Variants in GALNT14 observed in about 807,000 individuals in gnomAD.
GALNT14 encodes polypeptide N-acetylgalactosaminyltransferase 14, also known as UDP-GalNAc:polypeptide N-acetylgalactosaminyltransferase 14.
A neutral mutation model predicts 77.5 loss-of-function variants in GALNT14; 60 were observed. That is an observed-to-expected ratio of 0.77 (90% CI 0.63 to 0.96). The LOEUF (loss-of-function observed/expected upper bound fraction) is 0.96. GALNT14 is among the 40% of genes least tolerant of loss of function. The probability of loss-of-function intolerance (pLI) is 0.00; values close to 1 mark genes in which losing one functional copy is unlikely to be tolerated. For synonymous variants in GALNT14, 280 were observed against 281.7 expected, an observed-to-expected ratio of 0.99 and a Z score of 0.06; for missense variants, 710 against 731.0, an observed-to-expected ratio of 0.97 and a Z score of 0.33.
intron 3 of GALNT14, among the ~76,000 whole-genome samples, chr2:30,961,965 T>C (rs1250448188): frequency 1.3e-5 from 2 of 152,126 alleles, no homozygotes; most frequent in Non-Finnish European, 2.9e-5. Flanking sequence ...AATGTTGGGA[T>C]TACAGACATG....
At chr2:31,124,827 A>C (rs572056055) in intron 1 of GALNT14, among the ~76,000 whole-genome samples, 102 of 152,360 alleles carry the variant, frequency 6.7e-4, no homozygotes, top group South Asian at 1.9e-3. Flanking sequence ...AATAACTGAT[A>C]CAGATAAAGC....
chr2:30,970,182 T>C lies in GALNT14; in HGVS notation c.300-3880A>G, dbSNP rs573757703. 2.6e-5 allele frequency among the ~76,000 whole-genome samples: 4 copies of C among 152,214 alleles called. No individual in the cohort carries two copies. In the South Asian group the frequency reaches 8.3e-4, roughly 32 times the overall value. On this transcript the variant is annotated intron_variant, in intron 2 of 14. Transcript: ENST00000349752. ...ACAGGGGCTGGAAAGGCATCTTTGCTGGGGGGTTCTGTCCTGTCCCACAAG... is the reference window on the plus strand; with the variant it reads ...ACAGGGGCTGGAAAGGCATCTTTGCCGGGGGGTTCTGTCCTGTCCCACAAG...
chr2:31,075,248 G>A (rs1477251624), intron 1 of GALNT14, among the ~76,000 whole-genome samples: 2 of 152,208 alleles, frequency 1.3e-5, no homozygotes, highest in Non-Finnish European at 2.9e-5. Context: ...GCCTGAAGTA[G>A]ATGCCAGCAC....
intron 1 of GALNT14, among the ~76,000 whole-genome samples, chr2:31,102,276 G>A (rs1158239662): frequency 2.6e-5 from 4 of 151,830 alleles, no homozygotes; most frequent in Non-Finnish European, 5.9e-5. Context: ...ATTCTTTTGT[G>A]TATATATTTA....
intron 1 of GALNT14, among the ~76,000 whole-genome samples, chr2:31,085,649 G>C (rs964576645): frequency 2.0e-5 from 3 of 152,180 alleles, no homozygotes; most frequent in Non-Finnish European, 4.4e-5. Context: ...CACCCTCAGG[G>C]GCTCATGAGA....
intron 1 of GALNT14, among the ~76,000 whole-genome samples, chr2:31,137,663 G>A (rs892076510): frequency 1.3e-5 from 2 of 152,144 alleles, no homozygotes; most frequent in African/African-American, 2.4e-5. Context: ...CGTCCGCAGA[G>A]CCCCCTCCGC....
chr2:31,055,560 C>T lies in GALNT14; in HGVS notation c.130-62553G>A, dbSNP rs1338519883. 2.6e-5 allele frequency among the ~76,000 whole-genome samples: 4 copies of T among 152,240 alleles called. No homozygotes were observed. The East Asian group carries it at 7.7e-4, about 29-fold the overall frequency. ...CTGAGCTCTGGTGTGCCCCTGCTAC[C>T]GAGTGTCTGTGCCACTGATCCAACT... On this transcript the variant is annotated intron_variant, in intron 1 of 14. Coordinates refer to ENST00000349752, the MANE Select transcript of GALNT14 (RefSeq NM_024572.4).
At chr2:31,007,143 T>C (rs1283692172) in intron 1 of GALNT14, among the ~76,000 whole-genome samples, 2 of 152,150 alleles carry the variant, frequency 1.3e-5, no homozygotes, top group African/African-American at 4.8e-5. Context: ...ACCCCGAGTA[T>C]CCAGACGCTG....
chr2:31,135,250 G>A (rs1387327603), intron 1 of GALNT14, among the ~76,000 whole-genome samples: 3 of 152,162 alleles, frequency 2.0e-5, no homozygotes. Flanking sequence ...CAAACTCACA[G>A]AGGCATAATC....
intron 1 of GALNT14, among the ~76,000 whole-genome samples, chr2:31,058,103 A>G (rs1393465828): frequency 6.6e-6 from 1 of 151,932 alleles, no homozygotes; most frequent in African/African-American, 2.4e-5. Context: ...ATATTCCCTT[A>G]CCTTTGCCAA....
intron 1 of GALNT14, chr2:31,129,477 C>A (rs954431167): frequency 1.0e-6 from 1 of 985,350 alleles, no homozygotes; most frequent in African/African-American, 1.7e-5. Context: ...TTAGTCAATT[C>A]AGCACCCAGC....
rs1669788409 is a variant in GALNT14 at position 30,992,819 on chromosome 2, T to C, written c.299+19A>G. ...TCTTTTGACTGCGGGGGTAACAGAGTGGGAGAAGGAGGAAGTACCTCAGAT... is the reference window on the plus strand; with the variant it reads ...TCTTTTGACTGCGGGGGTAACAGAGCGGGAGAAGGAGGAAGTACCTCAGAT... On this transcript the variant is annotated intron_variant, in intron 2 of 14. Transcript: ENST00000349752. 1.2e-6 allele frequency: 2 copies of C among 1,609,360 alleles called. No individual in the cohort carries two copies. The highest frequency in any genetic ancestry group is 1.3e-5 in the African/African-American group (1 of 74,844).
At chr2:30,918,149 G>A (rs760636080) in intron 13 of GALNT14, among the ~76,000 whole-genome samples, 3 of 152,132 alleles carry the variant, frequency 2.0e-5, no homozygotes, top group Non-Finnish European at 4.4e-5. Flanking sequence ...ACCCACTTTT[G>A]GGGTCTTTTC....
At chr2:31,098,612 T>C (rs1677111141) in intron 1 of GALNT14, among the ~76,000 whole-genome samples, 2 of 152,116 alleles carry the variant, frequency 1.3e-5, no homozygotes, top group Non-Finnish European at 1.5e-5. Flanking sequence ...TAGATGTAAG[T>C]ATAAATGCGG....
intron 3 of GALNT14, among the ~76,000 whole-genome samples, chr2:30,962,549 G>T (rs1181252330): frequency 6.6e-6 from 1 of 152,220 alleles, no homozygotes; most frequent in Non-Finnish European, 1.5e-5. Context: ...ACTGCATCAG[G>T]AGTCAAGATA....
In GALNT14 at chr2:31,019,250, C is replaced by T. The variant is rs186185061; in HGVS notation, c.130-26243G>A. Among the ~76,000 whole-genome samples, 4 of 152,314 alleles carry T rather than the reference C, an allele frequency of 2.6e-5. No homozygotes were observed. The East Asian group carries it at 7.7e-4, about 29-fold the overall frequency. On this transcript the variant is annotated intron_variant, in intron 1 of 14. Transcript: ENST00000349752. ...TCCACTCAGCCCTTCTGCTGACACT[C>T]TATTTCAACTTGAAATAATGTCGTC...
chr2:30,989,905 AGCCCCTGG>A (rs1669597747), intron 2 of GALNT14, among the ~76,000 whole-genome samples: 1 of 151,816 alleles, frequency 6.6e-6, no homozygotes, highest in Admixed American at 6.6e-5. Context: ...CAGTATCCTT[AGCCCCTGG>A]GCTATTACTG....
chr2:31,015,014 G>C (rs1671266112), intron 1 of GALNT14, among the ~76,000 whole-genome samples: 1 of 152,176 alleles, frequency 6.6e-6, no homozygotes, highest in African/African-American at 2.4e-5. Flanking sequence ...GCTTGGCCGG[G>C]CACCGTGGCT....
intron 2 of GALNT14, among the ~76,000 whole-genome samples, chr2:30,977,598 C>T (rs190076463): frequency 6.6e-6 from 1 of 152,098 alleles, no homozygotes; most frequent in African/African-American, 2.4e-5. Flanking sequence ...AAAGTTCCTC[C>T]AATTGCAACA....
Sources: allele counts gnomAD v4.1 joint callset (sites outside exome capture counted in the v4.1 genomes callset), GRCh38; gene constraint gnomAD v4.1.1; transcripts MANE v1.5; gene names NCBI Gene and HGNC (gene_info 2026-07-23, HGNC 2026-07-21).